Variants in B3GALT1 observed in about 807,000 individuals in gnomAD.
B3GALT1 encodes the protein UDP-Gal:betaGlcNAc beta 1,3-galactosyltransferase, polypeptide 1.
B3GALT1 carries 10 observed loss-of-function variants against 23.2 expected under a neutral mutation model. The observed-to-expected ratio is 0.43, with a 90% CI of 0.27 to 0.73. The LOEUF (loss-of-function observed/expected upper bound fraction) is 0.73, where lower values mean the gene tolerates loss of function less well. B3GALT1 is among the 30% of genes least tolerant of loss of function. The pLI, the probability that B3GALT1 is intolerant of heterozygous loss-of-function variation, is 0.21. For missense variants in B3GALT1, 299 were observed against 405.4 expected (o/e 0.74, Z 2.25); for synonymous variants, 156 against 141.5 (o/e 1.10, Z -0.73).
At chr2:167,766,860 A>G (rs1293555822) in intron 3 of B3GALT1, among the ~76,000 whole-genome samples, 4 of 152,176 alleles carry the variant, frequency 2.6e-5, no homozygotes, top group African/African-American at 9.7e-5. Flanking sequence ...GAAAGTCAAC[A>G]AAAAAGTGCC....
At chr2:167,755,983 A>G (rs1687809795) in intron 3 of B3GALT1, among the ~76,000 whole-genome samples, 2 of 152,178 alleles carry the variant, frequency 1.3e-5, no homozygotes, top group Admixed American at 6.5e-5. Flanking sequence ...TCTTAAAAAA[A>G]CAAAAAATAA....
intron 2 of B3GALT1, among the ~76,000 whole-genome samples, chr2:167,587,299 C>G (rs1479342280): frequency 1.3e-5 from 2 of 152,178 alleles, no homozygotes; most frequent in Non-Finnish European, 2.9e-5. Flanking sequence ...CCCATATTAT[C>G]ATTTTATTGA....
intron 2 of B3GALT1, among the ~76,000 whole-genome samples, chr2:167,529,970 T>C (rs564076247): frequency 1.6e-4 from 25 of 152,226 alleles, no homozygotes; most frequent in Non-Finnish European, 8.8e-5. Flanking sequence ...AGTCCTGTCA[T>C]CTTTAAAGTA....
chr2:167,493,224 T>C (rs576910506), intron 2 of B3GALT1, among the ~76,000 whole-genome samples: 1 of 152,308 alleles, frequency 6.6e-6, no homozygotes, highest in African/African-American at 2.4e-5. Context: ...TTCTGTATGT[T>C]TGATGCATGC....
chr2:167,565,835 A>C (rs1300998898), intron 2 of B3GALT1, among the ~76,000 whole-genome samples: 1 of 151,912 alleles, frequency 6.6e-6, no homozygotes, highest in Non-Finnish European at 1.5e-5. Context: ...GGCATTCATT[A>C]AAAAGTCAGG....
intron 2 of B3GALT1, among the ~76,000 whole-genome samples, chr2:167,518,870 A>G (rs1020154445): frequency 6.6e-6 from 1 of 152,194 alleles, no homozygotes; most frequent in African/African-American, 2.4e-5. Context: ...ATGGAAGCAC[A>G]TTGGTTAGAA....
chr2:167,444,819 C>T (rs761629948), intron 1 of B3GALT1, among the ~76,000 whole-genome samples: 1 of 152,020 alleles, frequency 6.6e-6, no homozygotes, highest in Non-Finnish European at 1.5e-5. Flanking sequence ...AAAACCAGCT[C>T]CTGGATTCGT....
At chr2:167,587,224 T>TG (rs1671112270) in intron 2 of B3GALT1, among the ~76,000 whole-genome samples, 1 of 152,208 alleles carries the variant, frequency 6.6e-6, no homozygotes, top group African/African-American at 2.4e-5. Context: ...TTTTACTACT[T>TG]GCCTAGGTAC....
At chr2:167,860,223 T>C (rs1240363326) in intron 4 of B3GALT1, among the ~76,000 whole-genome samples, 1 of 152,230 alleles carries the variant, frequency 6.6e-6, no homozygotes, top group Non-Finnish European at 1.5e-5. Flanking sequence ...TTCACTCATA[T>C]GCCATCTCCA....
intron 3 of B3GALT1, among the ~76,000 whole-genome samples, chr2:167,776,063 C>G (rs1688157654): frequency 6.6e-6 from 1 of 151,772 alleles, no homozygotes; most frequent in South Asian, 2.1e-4. Flanking sequence ...CACACACACA[C>G]ACACACACAC....
intron 1 of B3GALT1, among the ~76,000 whole-genome samples, chr2:167,476,826 G>A (rs554198941): frequency 8.7e-4 from 132 of 152,090 alleles, no homozygotes; most frequent in Non-Finnish European, 1.5e-3. Context: ...GAAATTAAGG[G>A]GGAGACAGCA....
intron 3 of B3GALT1, among the ~76,000 whole-genome samples, chr2:167,759,540 A>G (rs1687868623): frequency 6.6e-6 from 1 of 152,208 alleles, no homozygotes; most frequent in South Asian, 2.1e-4. Context: ...GTTAAAATGA[A>G]AGTAACCATA....
chr2:167,796,396 C>G (rs754623042), intron 3 of B3GALT1, among the ~76,000 whole-genome samples: 1 of 152,094 alleles, frequency 6.6e-6, no homozygotes, highest in Non-Finnish European at 1.5e-5. Context: ...GTCTGAAAAT[C>G]CAAAAATTAA....
intron 2 of B3GALT1, among the ~76,000 whole-genome samples, chr2:167,601,502 C>T (rs980559987): frequency 6.6e-6 from 1 of 152,190 alleles, no homozygotes; most frequent in East Asian, 1.9e-4. Flanking sequence ...GCTCTAATAT[C>T]TCCATTACAT....
chr2:167,585,642 C>T (rs1684573546), intron 2 of B3GALT1, among the ~76,000 whole-genome samples: 1 of 152,150 alleles, frequency 6.6e-6, no homozygotes, highest in Non-Finnish European at 1.5e-5. Context: ...CAAAACTTAA[C>T]ATCTATTTTT....
chr2:167,675,483 G>C (rs1243919839), intron 3 of B3GALT1, among the ~76,000 whole-genome samples: 2 of 152,196 alleles, frequency 1.3e-5, no homozygotes, highest in African/African-American at 4.8e-5. Context: ...GTGACATAAT[G>C]AAATAATCAG....
At chr2:167,857,347 G>A (rs1157710785) in intron 4 of B3GALT1, among the ~76,000 whole-genome samples, 1 of 152,044 alleles carries the variant, frequency 6.6e-6, no homozygotes, top group East Asian at 1.9e-4. Flanking sequence ...GTCTAAATGA[G>A]AAGAGTCCAG....
intron 4 of B3GALT1, among the ~76,000 whole-genome samples, chr2:167,831,927 G>T (rs1689362799): frequency 6.6e-6 from 1 of 152,170 alleles, no homozygotes; most frequent in Non-Finnish European, 1.5e-5. Flanking sequence ...AGACCTAATA[G>T]TTCGCCAAAT....
At chr2:167,811,868 A>G (rs895143629) in intron 3 of B3GALT1, among the ~76,000 whole-genome samples, 1 of 152,132 alleles carries the variant, frequency 6.6e-6, no homozygotes, top group Non-Finnish European at 1.5e-5. Flanking sequence ...ATATCAGGTC[A>G]AGATGCCATC....
Sources: allele counts gnomAD v4.1 joint callset (sites outside exome capture counted in the v4.1 genomes callset), GRCh38; gene constraint gnomAD v4.1.1; transcripts MANE v1.5; gene names NCBI Gene and HGNC (gene_info 2026-07-23, HGNC 2026-07-21).